ZBTB38: variants seen among roughly 807,000 people sequenced by gnomAD.
ZBTB38 encodes zinc finger and BTB domain containing 38, also known as zinc finger and BTB domain-containing protein 38.
A neutral mutation model predicts 76.8 loss-of-function variants in ZBTB38; 20 were observed. The ratio of observed to expected loss-of-function variants is 0.26; its 90% CI spans 0.18 to 0.38. ZBTB38 has a LOEUF of 0.38. Ranked by LOEUF, ZBTB38 falls within the 10% of genes least tolerant of loss-of-function variation. The probability of loss-of-function intolerance (pLI) is 1.00; values close to 1 mark genes in which losing one functional copy is unlikely to be tolerated. For missense variants in ZBTB38, 1,082 were observed against 1,482.3 expected (o/e 0.73, Z 4.43); for synonymous variants, 504 against 544.2 (o/e 0.93, Z 1.03).
Position 141,397,773 on chromosome 3 carries a change from C to T in ZBTB38, c.-105-6154C>T, listed in dbSNP as rs922010845. On this transcript the variant is annotated intron_variant, in intron 4 of 5. Transcript: ENST00000321464. ...AACATAAACATTTATCAATAAAGTT[C>T]GCCATCTTATATGGGCGTGGTTCAT... 3.3e-5 allele frequency among the ~76,000 whole-genome samples: 5 copies of T among 152,104 alleles called. No homozygotes were observed. In the East Asian group the frequency reaches 7.7e-4, roughly 23 times the overall value.
chr3:141,431,341 A>ATATATATATATATATAT (rs1553771300), intron 5 of ZBTB38, among the ~76,000 whole-genome samples: 104 of 103,194 alleles, frequency 1.0e-3, no homozygotes, highest in Non-Finnish European at 1.4e-3. Flanking sequence ...AAAAAAAAAA[A>ATATATATATATATATAT]ATATATATAT....
At chr3:141,379,357 A>G (rs1945867245) in intron 2 of ZBTB38, among the ~76,000 whole-genome samples, 1 of 152,194 alleles carries the variant, frequency 6.6e-6, no homozygotes, top group Non-Finnish European at 1.5e-5. Flanking sequence ...AGTCCCCAGC[A>G]TCACCTAAGA....
chr3:141,437,716 G>C (rs577617479), intron 5 of ZBTB38, among the ~76,000 whole-genome samples: 2 of 152,118 alleles, frequency 1.3e-5, no homozygotes, highest in Non-Finnish European at 2.9e-5. Context: ...CACTCCAGCT[G>C]TTCTAAACCA....
chr3:141,340,996 G>GAAAGAAAGAGA (rs1553760169), intron 1 of ZBTB38, among the ~76,000 whole-genome samples: 1 of 91,898 alleles, frequency 1.1e-5, no homozygotes, highest in African/African-American at 3.8e-5. Context: ...GAAAGAGAAA[G>GAAAGAAAGAGA]AAGAAAGAAA....
chr3:141,415,789 G>T (rs764851478), intron 5 of ZBTB38, among the ~76,000 whole-genome samples: 2 of 152,140 alleles, frequency 1.3e-5, no homozygotes, highest in African/African-American at 4.8e-5. Flanking sequence ...GAAGACTCTT[G>T]TTGTCCCCTG....
intron 2 of ZBTB38, among the ~76,000 whole-genome samples, chr3:141,370,625 G>A (rs1339155933): frequency 6.6e-6 from 1 of 152,244 alleles, no homozygotes; most frequent in Non-Finnish European, 1.5e-5. Flanking sequence ...GGTAACATCT[G>A]GCCATGAGGG....
chr3:141,429,643 G>A (rs1266520285), intron 5 of ZBTB38, among the ~76,000 whole-genome samples: 2 of 152,172 alleles, frequency 1.3e-5, no homozygotes, highest in African/African-American at 2.4e-5. Context: ...AGGCAACGAC[G>A]GGTGATAATT....
At chr3:141,331,539 T>A (rs1942852481) in intron 1 of ZBTB38, among the ~76,000 whole-genome samples, 1 of 152,214 alleles carries the variant, frequency 6.6e-6, no homozygotes, top group Non-Finnish European at 1.5e-5. Flanking sequence ...TGGGTTGTTT[T>A]TTGTTTTTTG....
intron 1 of ZBTB38, among the ~76,000 whole-genome samples, chr3:141,329,639 CAG>C (rs1453870351): frequency 6.6e-5 from 10 of 152,150 alleles, no homozygotes; most frequent in Non-Finnish European, 1.2e-4. Context: ...AGGTTAGGGA[CAG>C]GGGAGGAGAG....
chr3:141,426,865 G>T (rs2076497838), intron 5 of ZBTB38, among the ~76,000 whole-genome samples: 1 of 152,190 alleles, frequency 6.6e-6, no homozygotes, highest in Admixed American at 6.5e-5. Context: ...CAGAGCTGTG[G>T]TTCAGTGTTT....
At chr3:141,430,879 G>A (rs572589827) in intron 5 of ZBTB38, among the ~76,000 whole-genome samples, 1 of 152,212 alleles carries the variant, frequency 6.6e-6, no homozygotes, top group East Asian at 1.9e-4. Context: ...CAGCCCTTTG[G>A]GTTCACAAGG....
chr3:141,340,321 G>A (rs1943135475), intron 1 of ZBTB38, among the ~76,000 whole-genome samples: 1 of 152,026 alleles, frequency 6.6e-6, no homozygotes, highest in African/African-American at 2.4e-5. Context: ...TTAAGTTGAG[G>A]GGATAGTAAA....
chr3:141,358,782 A>T (rs1219598012), intron 1 of ZBTB38, among the ~76,000 whole-genome samples: 2 of 152,138 alleles, frequency 1.3e-5, no homozygotes, highest in Admixed American at 6.5e-5. Context: ...GCCCCTATAG[A>T]TTTCCCTGTT....
chr3:141,339,434 TG>T (rs1363108756), intron 1 of ZBTB38, among the ~76,000 whole-genome samples: 2 of 152,044 alleles, frequency 1.3e-5, no homozygotes, highest in Non-Finnish European at 2.9e-5. Context: ...TGTTGGTAGG[TG>T]GGGAAGAGTA....
At chr3:141,405,034 A>G (rs1261705078) in intron 5 of ZBTB38, among the ~76,000 whole-genome samples, 2 of 152,214 alleles carry the variant, frequency 1.3e-5, no homozygotes, top group African/African-American at 4.8e-5. Context: ...ACTTAAATCT[A>G]TACTTCCACC....
chr3:141,419,483 C>T (rs1369019673), intron 5 of ZBTB38, among the ~76,000 whole-genome samples: 1 of 152,276 alleles, frequency 6.6e-6, no homozygotes, highest in African/African-American at 2.4e-5. Flanking sequence ...TCACACAAAT[C>T]TAGTCTTCCA....
chr3:141,375,372 T>C (rs561420292), intron 2 of ZBTB38, among the ~76,000 whole-genome samples: 49 of 152,250 alleles, frequency 3.2e-4, no homozygotes, highest in African/African-American at 1.2e-3. Context: ...AAGGCGCCAA[T>C]GAGAAGATTC....
At chr3:141,407,364 C>T (rs781297413) in intron 5 of ZBTB38, among the ~76,000 whole-genome samples, 1 of 152,160 alleles carries the variant, frequency 6.6e-6, no homozygotes, top group Non-Finnish European at 1.5e-5. Flanking sequence ...CTGACTTTTT[C>T]CATGCATAAC....
intron 5 of ZBTB38, chr3:141,432,092 G>A: frequency 9.1e-6 from 9 of 985,450 alleles, no homozygotes; most frequent in Non-Finnish European, 1.1e-5. Flanking sequence ...AAAGATGTGT[G>A]TGGGATGGTA....
Sources: allele counts gnomAD v4.1 joint callset (sites outside exome capture counted in the v4.1 genomes callset), GRCh38; gene constraint gnomAD v4.1.1; transcripts MANE v1.5; gene names NCBI Gene and HGNC (gene_info 2026-07-23, HGNC 2026-07-21).